CTNNA2: variants seen among roughly 807,000 people sequenced by gnomAD.
CTNNA2 encodes the protein catenin alpha-2.
Under a neutral mutation model 101.0 loss-of-function variants are expected in CTNNA2, and 42 were observed. That is an observed-to-expected ratio of 0.42 (90% CI 0.32 to 0.54). The LOEUF is 0.54. Ranked by LOEUF, CTNNA2 falls within the 20% of genes least tolerant of loss-of-function variation. The pLI is 0.14. For missense variants in CTNNA2, 871 were observed against 1,223.1 expected, an observed-to-expected ratio of 0.71 and a Z score of 4.29; for synonymous variants, 450 against 456.4, an observed-to-expected ratio of 0.99 and a Z score of 0.18.
chr2:80,623,836 A>G (rs1671396806), intron 18 of CTNNA2, among the ~76,000 whole-genome samples: 2 of 151,950 alleles, frequency 1.3e-5, no homozygotes, highest in African/African-American at 2.4e-5. Context: ...TTCTGTTTCT[A>G]TGTTGTTAGA....
chr2:80,557,458 G>C (rs116668630), intron 12 of CTNNA2, among the ~76,000 whole-genome samples: 2,143 of 152,110 alleles, frequency 0.014, 58 homozygotes, highest in African/African-American at 0.049. Flanking sequence ...CTCTATTCTT[G>C]TACAAAGTCT....
intron 3 of CTNNA2, among the ~76,000 whole-genome samples, chr2:79,745,506 A>G (rs936671483): frequency 1.3e-5 from 2 of 152,144 alleles, no homozygotes; most frequent in Non-Finnish European, 2.9e-5. Flanking sequence ...TGTTAACGAT[A>G]TTCATATCGT....
At chr2:79,337,436 A>G (rs1440047559) in intron 3 of CTNNA2, among the ~76,000 whole-genome samples, 3 of 152,242 alleles carry the variant, frequency 2.0e-5, no homozygotes, top group African/African-American at 4.8e-5. Context: ...TGGCCAACAA[A>G]TATATTAAAA....
At chr2:80,476,215 T>A (rs1685717801) in intron 9 of CTNNA2, among the ~76,000 whole-genome samples, 1 of 152,124 alleles carries the variant, frequency 6.6e-6, no homozygotes. Context: ...TGTAGAGATA[T>A]CTGAGAAGTC....
chr2:79,251,626 T>C (rs1431545759), intron 2 of CTNNA2, among the ~76,000 whole-genome samples: 1 of 152,154 alleles, frequency 6.6e-6, no homozygotes, highest in Non-Finnish European at 1.5e-5. Flanking sequence ...CATGTTGTGA[T>C]CAATCTTATT....
At chr2:79,188,628 G>T (rs557364173) in intron 1 of CTNNA2, among the ~76,000 whole-genome samples, 1 of 152,326 alleles carries the variant, frequency 6.6e-6, no homozygotes, top group East Asian at 1.9e-4. Flanking sequence ...AATCACTGAA[G>T]GGAGGGCAAT....
At chr2:80,325,949 C>T (rs943256356) in intron 7 of CTNNA2, among the ~76,000 whole-genome samples, 4 of 152,188 alleles carry the variant, frequency 2.6e-5, no homozygotes, top group Admixed American at 6.5e-5. Flanking sequence ...ATCAACCCCA[C>T]CCTTGTGATT....
chr2:80,620,634 G>A (rs1005236956), intron 18 of CTNNA2, among the ~76,000 whole-genome samples: 1 of 151,964 alleles, frequency 6.6e-6, no homozygotes, highest in Non-Finnish European at 1.5e-5. Context: ...AATAATGCCA[G>A]AGTCTTATAT....
chr2:80,303,103 G>A lies in CTNNA2; in HGVS notation c.1057-90108G>A. 1 of 1,614,110 alleles carries A rather than the reference G, an allele frequency of 6.2e-7. No individual in the cohort carries two copies. The highest frequency in any genetic ancestry group is 8.5e-7 in the Non-Finnish European group (1 of 1,180,044). The stretch of plus-strand genomic sequence containing the variant: ...CAATGGCCACCTTGTTCCTCCGCAG[G>A]CAGAGCGAGTGCAGGGAGATGAGGC... On this transcript the variant is annotated intron_variant, in intron 7 of 18. Coordinates refer to ENST00000402739, the MANE Select transcript of CTNNA2 (RefSeq NM_001282597.3). This position sits in a 1 kb window ranked among gnomAD's most constrained non-coding sequence, Gnocchi z 7.7.
chr2:79,920,189 C>T (rs1686555866), intron 7 of CTNNA2, among the ~76,000 whole-genome samples: 1 of 152,164 alleles, frequency 6.6e-6, no homozygotes, highest in Non-Finnish European at 1.5e-5. Context: ...TGCACTCCAA[C>T]CTAGGCAATG....
chr2:79,617,403 T>C (rs1007287047), intron 1 of CTNNA2, among the ~76,000 whole-genome samples: 1 of 152,224 alleles, frequency 6.6e-6, no homozygotes, highest in Non-Finnish European at 1.5e-5. Context: ...TTTTAAATTC[T>C]CTTATTTCCC....
chr2:79,405,561 A>G (rs1228790260), intron 4 of CTNNA2, among the ~76,000 whole-genome samples: 1 of 151,932 alleles, frequency 6.6e-6, no homozygotes, highest in Non-Finnish European at 1.5e-5. Flanking sequence ...CCTGACCTCA[A>G]GTGATCTGCC....
chr2:79,907,395 C>T (rs1685499017), intron 6 of CTNNA2, among the ~76,000 whole-genome samples: 1 of 151,880 alleles, frequency 6.6e-6, no homozygotes, highest in East Asian at 1.9e-4. Flanking sequence ...AACAGAAAGG[C>T]AGTAGAAAGC....
At chr2:80,103,405 C>G (rs1700670891) in intron 7 of CTNNA2, among the ~76,000 whole-genome samples, 1 of 152,110 alleles carries the variant, frequency 6.6e-6, no homozygotes, top group South Asian at 2.1e-4. Context: ...AAGGCCCCAC[C>G]CTAATTACCT....
chr2:79,385,996 G>T (rs752021572), intron 4 of CTNNA2, among the ~76,000 whole-genome samples: 2 of 152,130 alleles, frequency 1.3e-5, no homozygotes, highest in South Asian at 2.1e-4. Flanking sequence ...AAACATACAT[G>T]TGCATGTGTC....
intron 7 of CTNNA2, among the ~76,000 whole-genome samples, chr2:80,149,228 G>C (rs1703544888): frequency 6.6e-6 from 1 of 151,694 alleles, no homozygotes; most frequent in African/African-American, 2.4e-5. Context: ...GTAGAGACAG[G>C]GTCTTTTACT....
intron 7 of CTNNA2, among the ~76,000 whole-genome samples, chr2:79,956,843 G>GTTTTTTTTTTTTTTTTTTTTTTTT (rs66471325): frequency 2.0e-5 from 2 of 98,936 alleles, no homozygotes; most frequent in Admixed American, 1.1e-4. Context: ...ATACGTGTGG[G>GTTTTTTTTTTTTTTTTTTTTTTTT]TTTTTTTTTT....
intron 4 of CTNNA2, among the ~76,000 whole-genome samples, chr2:79,405,033 T>G (rs895778388): frequency 3.3e-5 from 5 of 152,136 alleles, no homozygotes; most frequent in African/African-American, 1.2e-4. Flanking sequence ...TTCTAACCAA[T>G]AGAATATGGC....
At chr2:80,310,320 A>C (rs1677446116) in intron 7 of CTNNA2, among the ~76,000 whole-genome samples, 1 of 152,172 alleles carries the variant, frequency 6.6e-6, no homozygotes, top group African/African-American at 2.4e-5. Flanking sequence ...GGGCTCTTAA[A>C]GTTTGATTTT....
Sources: gnomAD v4.1 joint callset for allele counts (sites outside exome capture counted in the v4.1 genomes callset) on GRCh38, gnomAD v4.1.1 for gene constraint, Gnocchi (gnomAD v3.1) non-coding constraint, MANE v1.5 for transcripts, NCBI Gene and HGNC (gene_info 2026-07-23, HGNC 2026-07-21) for gene names.